ARID1B: variants seen among roughly 807,000 people sequenced by gnomAD.
ARID1B encodes AT-rich interactive domain-containing protein 1B.
Under a neutral mutation model 212.3 loss-of-function variants are expected in ARID1B, and 30 were observed. The ratio of observed to expected loss-of-function variants is 0.14; its 90% CI spans 0.11 to 0.19. The LOEUF (loss-of-function observed/expected upper bound fraction) is 0.19. ARID1B is among the 10% of genes least tolerant of loss of function. The probability of loss-of-function intolerance (pLI) is 1.00; values close to 1 mark genes in which losing one functional copy is unlikely to be tolerated. For missense variants in ARID1B, 2,891 were observed against 3,204.0 expected, an observed-to-expected ratio of 0.90 and a Z score of 2.36; for synonymous variants, 1,402 against 1,301.7, an observed-to-expected ratio of 1.08 and a Z score of -1.66.
At chr6:157,115,575 C>T (rs575890631) in intron 6 of ARID1B, among the ~76,000 whole-genome samples, 29 of 152,110 alleles carry the variant, frequency 1.9e-4, no homozygotes, top group Middle Eastern at 3.4e-3. Flanking sequence ...TACAGGTGCC[C>T]GCCACCACGC....
intron 1 of ARID1B, among the ~76,000 whole-genome samples, chr6:156,819,089 T>A (rs925536024): frequency 6.6e-6 from 1 of 152,212 alleles, no homozygotes; most frequent in Non-Finnish European, 1.5e-5. Flanking sequence ...TTCTTCAGTA[T>A]CACAGAGCTA....
At chr6:157,174,700 G>C (rs974826692) in intron 10 of ARID1B, 147 bp from the exon 11 acceptor site, 1 of 259,490 alleles carries the variant, frequency 3.9e-6, no homozygotes, top group African/African-American at 2.4e-5. Context: ...GGTTTTGTGT[G>C]TTTGTTTGTA....
intron 4 of ARID1B, among the ~76,000 whole-genome samples, chr6:156,969,837 G>C (rs1003679508): frequency 7.9e-5 from 12 of 150,986 alleles, no homozygotes; most frequent in African/African-American, 2.7e-4. Context: ...AACTTAGAAG[G>C]CTCAATAATT....
At chr6:157,117,774 T>C (rs1367321486) in intron 6 of ARID1B, among the ~76,000 whole-genome samples, 1 of 152,250 alleles carries the variant, frequency 6.6e-6, no homozygotes. Context: ...CTGTATGTCA[T>C]TTGCTGTAAC....
intron 4 of ARID1B, among the ~76,000 whole-genome samples, chr6:156,993,117 A>G (rs7750137): frequency 0.084 from 12,602 of 149,314 alleles, 1,774 homozygotes; most frequent in African/African-American, 0.3. Context: ...ATCTCGGCTC[A>G]CTGCAAACTC....
At chr6:157,153,934 C>G (rs1447967873) in intron 8 of ARID1B, among the ~76,000 whole-genome samples, 1 of 152,220 alleles carries the variant, frequency 6.6e-6, no homozygotes, top group Non-Finnish European at 1.5e-5. Context: ...GCCACCACTC[C>G]TGACCTTGTA....
chr6:156,858,630 G>T (rs900295136), intron 2 of ARID1B, among the ~76,000 whole-genome samples: 1 of 152,126 alleles, frequency 6.6e-6, no homozygotes, highest in African/African-American at 2.4e-5. Context: ...TTAGCCAGGT[G>T]TGGTGGCGTG....
chr6:157,189,843 G>A (rs1344276988), intron 14 of ARID1B, 63 bp downstream of exon 14: 1 of 1,605,978 alleles, frequency 6.2e-7, no homozygotes, highest in Non-Finnish European at 8.5e-7. Context: ...AGTTTTCTGG[G>A]GCAAACTTCA....
At chr6:156,998,395 T>G (rs768614541) in intron 4 of ARID1B, among the ~76,000 whole-genome samples, 4 of 152,010 alleles carry the variant, frequency 2.6e-5, no homozygotes, top group Non-Finnish European at 5.9e-5. Context: ...TAATTTTTTC[T>G]TGTATTTTTA....
intron 4 of ARID1B, among the ~76,000 whole-genome samples, chr6:156,960,408 T>G (rs1794292772): frequency 6.6e-6 from 1 of 152,214 alleles, no homozygotes; most frequent in South Asian, 2.1e-4. Flanking sequence ...AATAATTTAT[T>G]CTAATTTATA....
intron 2 of ARID1B, among the ~76,000 whole-genome samples, chr6:156,891,503 A>G (rs1024224785): frequency 6.6e-6 from 1 of 152,222 alleles, no homozygotes; most frequent in Non-Finnish European, 1.5e-5. Context: ...TTAAGGAGTG[A>G]TTTTGGTATA....
chr6:156,786,343 A>C (rs1779628446), intron 1 of ARID1B, among the ~76,000 whole-genome samples: 1 of 152,052 alleles, frequency 6.6e-6, no homozygotes, highest in South Asian at 2.1e-4. Flanking sequence ...TTTACTTTTT[A>C]GTCCTCTGCA....
At chr6:157,023,071 T>C (rs1780430452) in intron 4 of ARID1B, 1 of 152,260 alleles carries the variant, frequency 6.6e-6, no homozygotes, top group Non-Finnish European at 1.5e-5. Context: ...CAGGGACATT[T>C]CTGACCTTGA....
intron 4 of ARID1B, among the ~76,000 whole-genome samples, chr6:156,990,300 G>T (rs1778193842): frequency 6.6e-6 from 1 of 151,662 alleles, no homozygotes; most frequent in African/African-American, 2.4e-5. Flanking sequence ...AGCCTCTTGA[G>T]TAGGTAGGGC....
At chr6:156,888,677 C>T (rs1787703111) in intron 2 of ARID1B, among the ~76,000 whole-genome samples, 1 of 152,172 alleles carries the variant, frequency 6.6e-6, no homozygotes, top group Non-Finnish European at 1.5e-5. Flanking sequence ...ATGGAAACAA[C>T]CAAATCCCCG....
chr6:157,191,336 T>A (rs556948055), intron 15 of ARID1B, among the ~76,000 whole-genome samples: 1 of 151,968 alleles, frequency 6.6e-6, no homozygotes, highest in South Asian at 2.1e-4. Flanking sequence ...GAAGACATTA[T>A]TCCCTGCAAT....
intron 1 of ARID1B, among the ~76,000 whole-genome samples, chr6:156,814,037 C>G (rs1781795256): frequency 6.6e-6 from 1 of 152,066 alleles, no homozygotes; most frequent in African/African-American, 2.4e-5. Context: ...CCTTTGGTCA[C>G]AAGATAATAG....
At chr6:157,098,839 T>C (rs1785852264) in intron 5 of ARID1B, among the ~76,000 whole-genome samples, 1 of 152,228 alleles carries the variant, frequency 6.6e-6, no homozygotes, top group Admixed American at 6.5e-5. Flanking sequence ...GAGTTGTGCC[T>C]CAGTCAAACC....
rs587779744 is a variant in ARID1B, at chr6:156,778,292, A to ACAGCAGCAGCAG, written c.624_635dup (p.Gln211_Gln214dup). 47 of 1,518,258 alleles carry ACAGCAGCAGCAG rather than the reference A, an allele frequency of 3.1e-5. No homozygotes were observed. Among genetic ancestry groups the ACAGCAGCAGCAG allele is most frequent in the East Asian group, 2.3e-4 (9 of 39,736 alleles). 94.0% of individuals were successfully genotyped at this position (1,518,258 alleles called of 1,614,324 possible). A position where few individuals can be genotyped will look rare whatever the true frequency, so the allele number is the denominator to read the frequency against. On this transcript the variant is annotated inframe_insertion, in exon 1 of 20. Transcript: ENST00000636930. ...TCCAGCAGCAGCAGCAGCAGCAGCAACAGCAGCAGCAGCAGCAGCAGCAAC... is the reference window on the plus strand; with the variant it reads ...TCCAGCAGCAGCAGCAGCAGCAGCAACAGCAGCAGCAGCAGCAGCAGCAGCAGCAGCAGCAAC...
Sources: gnomAD v4.1 joint callset for allele counts (sites outside exome capture counted in the v4.1 genomes callset) on GRCh38, gnomAD v4.1.1 for gene constraint, MANE v1.5 for transcripts, NCBI Gene and HGNC (gene_info 2026-07-23, HGNC 2026-07-21) for gene names.